Variants in GRIN3A observed in about 807,000 individuals in gnomAD.
The protein encoded by GRIN3A is glutamate receptor ionotropic, NMDA 3A.
In GRIN3A, 47 loss-of-function variants were observed where a neutral mutation model predicts 92.4. That is an observed-to-expected ratio of 0.51 (90% CI 0.40 to 0.65). GRIN3A has a LOEUF of 0.65. GRIN3A is among the 30% of genes least tolerant of loss of function. The pLI, the probability that GRIN3A is intolerant of heterozygous loss-of-function variation, is 0.00. For synonymous variants in GRIN3A, 527 were observed against 540.6 expected, an observed-to-expected ratio of 0.97 and a Z score of 0.35; for missense variants, 1,324 against 1,393.1, an observed-to-expected ratio of 0.95 and a Z score of 0.79.
At chr9:101,664,549 G>C (rs1490273260) in intron 3 of GRIN3A, among the ~76,000 whole-genome samples, 2 of 151,872 alleles carry the variant, frequency 1.3e-5, no homozygotes, top group Non-Finnish European at 2.9e-5. Context: ...CAGCAGGCCA[G>C]TTCCTCTCTC....
At chr9:101,584,857 G>A (rs1023808404) in intron 6 of GRIN3A, among the ~76,000 whole-genome samples, 5 of 152,166 alleles carry the variant, frequency 3.3e-5, no homozygotes, top group Non-Finnish European at 5.9e-5. Flanking sequence ...CAGCTGGCTC[G>A]AGTAGTGACT....
Position 101,738,339 on chromosome 9 carries a change from G to A in GRIN3A, c.-360C>T, listed in dbSNP as rs1337676. 0.47 allele frequency: 145,749 copies of A among 313,056 alleles called. 34,785 individuals are homozygous for A. The highest frequency in any genetic ancestry group is 0.5 in the Non-Finnish European group (83,638 of 168,050). 19.4% of individuals were successfully genotyped at this position (313,056 alleles called of 1,614,324 possible). On this transcript the variant is annotated 5_prime_UTR_variant, in exon 1 of 9. Coordinates refer to ENST00000361820, the MANE Select transcript of GRIN3A (RefSeq NM_133445.3). ...TCCGGCCCCGCGAGGCGGCCGGGATGAGAAGCAGCCGGAGTTCCTCGGGGG... is the reference window on the plus strand; with the variant it reads ...TCCGGCCCCGCGAGGCGGCCGGGATAAGAAGCAGCCGGAGTTCCTCGGGGG...
At chr9:101,638,115 T>C (rs1376717901) in intron 3 of GRIN3A, among the ~76,000 whole-genome samples, 2 of 152,248 alleles carry the variant, frequency 1.3e-5, no homozygotes, top group Non-Finnish European at 2.9e-5. Context: ...ATCTGTGAAA[T>C]AGCACTGCAG....
intron 2 of GRIN3A, among the ~76,000 whole-genome samples, chr9:101,675,256 A>T (rs1354793331): frequency 6.6e-6 from 1 of 152,038 alleles, no homozygotes; most frequent in Non-Finnish European, 1.5e-5. Context: ...AAAATCTCCC[A>T]ATATGTCACT....
chr9:101,690,598 C>T (rs964817591), intron 1 of GRIN3A, among the ~76,000 whole-genome samples: 3 of 152,084 alleles, frequency 2.0e-5, no homozygotes, highest in African/African-American at 4.8e-5. Flanking sequence ...TTGCTTAACC[C>T]GCTATGGATC....
intron 3 of GRIN3A, among the ~76,000 whole-genome samples, chr9:101,634,411 A>G (rs2118889645): frequency 6.6e-6 from 1 of 150,588 alleles, no homozygotes; most frequent in South Asian, 2.1e-4. Context: ...TTGTCTCCAC[A>G]CAACCAATTG....
At chr9:101,637,421 G>T (rs938324139) in intron 3 of GRIN3A, among the ~76,000 whole-genome samples, 1 of 152,132 alleles carries the variant, frequency 6.6e-6, no homozygotes, top group Non-Finnish European at 1.5e-5. Flanking sequence ...GCATAAACTA[G>T]AAGAGAGATG....
chr9:101,585,388 C>G (rs929714991), intron 6 of GRIN3A, among the ~76,000 whole-genome samples: 3 of 152,130 alleles, frequency 2.0e-5, no homozygotes, highest in Non-Finnish European at 4.4e-5. Flanking sequence ...TAAATACCAC[C>G]CAGATGTCAA....
At chr9:101,727,077 C>G (rs570829181) in intron 1 of GRIN3A, among the ~76,000 whole-genome samples, 2 of 152,178 alleles carry the variant, frequency 1.3e-5, no homozygotes, top group Admixed American at 1.3e-4. Context: ...CAAGTAACTA[C>G]AAAAATGCTA....
intron 6 of GRIN3A, 90 bp from the exon 7 acceptor site, chr9:101,579,450 A>G (rs1436514127): frequency 2.3e-6 from 3 of 1,289,982 alleles, no homozygotes; most frequent in Non-Finnish European, 3.3e-6. Context: ...ATGGATATTC[A>G]TTTTTTCTGG....
intron 6 of GRIN3A, among the ~76,000 whole-genome samples, chr9:101,587,342 C>A (rs529089203): frequency 1.3e-5 from 2 of 151,660 alleles, no homozygotes; most frequent in Admixed American, 1.3e-4. Context: ...TTGCTTGCAA[C>A]CAAATAATCT....
At chr9:101,649,907 T>C (rs1828991465) in intron 3 of GRIN3A, among the ~76,000 whole-genome samples, 1 of 151,982 alleles carries the variant, frequency 6.6e-6, no homozygotes, top group Admixed American at 6.6e-5. Context: ...TTTTGTCTGT[T>C]TTGTCTCTGA....
intron 8 of GRIN3A, among the ~76,000 whole-genome samples, chr9:101,573,773 ATTTTTTTTTTT>A (rs5899448): frequency 3.0e-4 from 28 of 92,602 alleles, no homozygotes; most frequent in Admixed American, 4.8e-4. Flanking sequence ...GGTATGGTGC[ATTTTTTTTTTT>A]TTTTTTTTTT....
intron 2 of GRIN3A, among the ~76,000 whole-genome samples, chr9:101,674,126 G>A (rs1360888113): frequency 1.3e-5 from 2 of 151,978 alleles, no homozygotes; most frequent in African/African-American, 4.8e-5. Flanking sequence ...TTGACGATAA[G>A]AGATGAAAAA....
At chr9:101,646,923 T>TAA (rs56936215) in intron 3 of GRIN3A, among the ~76,000 whole-genome samples, 7 of 151,172 alleles carry the variant, frequency 4.6e-5, no homozygotes, top group South Asian at 2.1e-4. Context: ...TTTCTAAATA[T>TAA]AAAAAAAAAT....
chr9:101,699,601 T>C (rs555516674), intron 1 of GRIN3A, among the ~76,000 whole-genome samples: 12 of 152,274 alleles, frequency 7.9e-5, no homozygotes, highest in African/African-American at 2.6e-4. Flanking sequence ...TTCATAATGC[T>C]GATGATTTAT....
chr9:101,613,300 C>T, intron 6 of GRIN3A, 76 bp downstream of exon 6: 2 of 1,449,708 alleles, frequency 1.4e-6, no homozygotes, highest in Non-Finnish European at 1.9e-6. Flanking sequence ...TGATGAGGCA[C>T]AAGTAATAGC....
rs1442158080 is a variant in GRIN3A, at chr9:101,590,378, TTATTTATTTATTTA to T, written c.2767-11032_2767-11019del. On this transcript the variant is annotated intron_variant, in intron 6 of 8. Coordinates refer to ENST00000361820, the MANE Select transcript of GRIN3A (RefSeq NM_133445.3). Reference sequence around the variant, plus strand: ...TTTATTTATTTATTTATTTATTTATTTATTTATTTATTTATTTTTTTGAGATGGAATCTCGCTCT... The same window carrying T: ...TTTATTTATTTATTTATTTATTTATTTTTTTTTGAGATGGAATCTCGCTCT... Among the ~76,000 whole-genome samples the T allele has an allele frequency of 2.3e-3, 348 of 149,094 alleles. 1 individual carries two copies. The highest frequency in any genetic ancestry group is 8.4e-3 in the African/African-American group (331 of 39,422).
chr9:101,592,744 A>C (rs1294795922), intron 6 of GRIN3A: 1 of 143,714 alleles, frequency 7.0e-6, no homozygotes, highest in Non-Finnish European at 1.5e-5. Flanking sequence ...CAAGTGATTA[A>C]ATTTGTGGAC....
Sources: allele counts gnomAD v4.1 joint callset (sites outside exome capture counted in the v4.1 genomes callset), GRCh38; gene constraint gnomAD v4.1.1; transcripts MANE v1.5; gene names NCBI Gene and HGNC (gene_info 2026-07-23, HGNC 2026-07-21).